Variants in PACRG observed in about 807,000 individuals in gnomAD.
PACRG encodes parkin coregulated, also known as parkin coregulated gene protein.
Under a neutral mutation model 29.7 loss-of-function variants are expected in PACRG, and 29 were observed. The observed-to-expected ratio is 0.98, with a 90% CI of 0.73 to 1.33. PACRG has a LOEUF of 1.33. Ranked by LOEUF, PACRG falls within the 40% of genes most tolerant of loss-of-function variation. PACRG has a pLI of 0.00. For missense variants in PACRG, 279 were observed against 316.2 expected (o/e 0.88, Z 0.89); for synonymous variants, 116 against 118.7 (o/e 0.98, Z 0.15).
rs1300654607 is a variant in PACRG, at chr6:163,055,330, G to GCA, written c.292-6811_292-6810dup. ...CACACATGCACACATATCCAGGTGT[G>GCA]CACACACACATGCACACACACACGC... On this transcript the variant is annotated intron_variant, in intron 2 of 4. Transcript: ENST00000366888. This position sits in a 1 kb window ranked among gnomAD's most constrained non-coding sequence, Gnocchi z 4.0. 9.3e-6 allele frequency among the ~76,000 whole-genome samples: 1 copy of GCA among 107,494 alleles called. No individual in the cohort carries two copies. The highest frequency in any genetic ancestry group is 3.7e-5 in the African/African-American group (1 of 26,900). 70.5% of individuals were successfully genotyped at this position (107,494 alleles called of 152,430 possible).
rs34737289 is a variant in PACRG, at chr6:163,144,347, TACAC to T, written c.613+54959_613+54962del. Among the ~76,000 whole-genome samples, 186 of 93,882 alleles carry T rather than the reference TACAC, an allele frequency of 2.0e-3. 1 individual carries two copies. Among genetic ancestry groups the T allele is most frequent in the African/African-American group, 3.3e-3 (118 of 35,684 alleles). The allele number at this position is 93,882 out of a possible 152,430, so 61.6% of individuals were successfully genotyped here. A position where few individuals can be genotyped will look rare whatever the true frequency, so the allele number is the denominator to read the frequency against. On this transcript the variant is annotated intron_variant, in intron 4 of 4. Transcript: ENST00000366888. The stretch of plus-strand genomic sequence containing the variant: ...AGCAACACACATACACACACATACA[TACAC>T]ACACACACACACACACACAGTTATA...
intron 2 of PACRG, among the ~76,000 whole-genome samples, chr6:163,036,405 C>A (rs1241391157): frequency 6.6e-6 from 1 of 152,174 alleles, no homozygotes; most frequent in East Asian, 1.9e-4. Context: ...ACACATAACC[C>A]TGGAATGAGG....
intron 2 of PACRG, among the ~76,000 whole-genome samples, chr6:162,947,348 T>C (rs1300921403): frequency 2.2e-4 from 1 of 4,638 alleles, no homozygotes; most frequent in African/African-American, 3.0e-4. Context: ...ATATAATGAT[T>C]ACATATATAT....
chr6:162,924,359 C>A (rs889523136), intron 2 of PACRG, among the ~76,000 whole-genome samples: 10 of 151,944 alleles, frequency 6.6e-5, no homozygotes, highest in African/African-American at 1.7e-4. Context: ...TTCCTCTTTT[C>A]CAATTTGAAT....
chr6:162,891,295 T>C (rs1467564468), intron 2 of PACRG, among the ~76,000 whole-genome samples: 2 of 152,296 alleles, frequency 1.3e-5, no homozygotes, highest in East Asian at 3.9e-4. Context: ...CCAAGTGATC[T>C]TGAGAAGGGG....
At chr6:163,195,655 C>T (rs1489519658) in intron 4 of PACRG, among the ~76,000 whole-genome samples, 2 of 152,188 alleles carry the variant, frequency 1.3e-5, no homozygotes, top group African/African-American at 2.4e-5. Context: ...GCCTCGGCGG[C>T]TGAGGAGGTG....
intron 2 of PACRG, among the ~76,000 whole-genome samples, chr6:162,956,439 C>CA (rs1237547722): frequency 6.6e-6 from 1 of 152,142 alleles, no homozygotes; most frequent in African/African-American, 2.4e-5. Flanking sequence ...TTGGTCAGGT[C>CA]AATGTTATGT....
At chr6:162,749,902 A>C (rs1209445758) in intron 1 of PACRG, among the ~76,000 whole-genome samples, 1 of 152,216 alleles carries the variant, frequency 6.6e-6, no homozygotes, top group African/African-American at 2.4e-5. Flanking sequence ...AACATTCACC[A>C]TTGATTTATA....
At chr6:163,164,548 A>G (rs1269463524) in intron 4 of PACRG, among the ~76,000 whole-genome samples, 1 of 152,256 alleles carries the variant, frequency 6.6e-6, no homozygotes, top group Admixed American at 6.5e-5. Context: ...AAGAAGCTGC[A>G]TAGGAGAGAG....
At chr6:162,934,260 C>CAAA (rs771565424) in intron 2 of PACRG, among the ~76,000 whole-genome samples, 5,206 of 146,646 alleles carry the variant, frequency 0.036, 137 homozygotes, top group Admixed American at 0.078. Flanking sequence ...GAGACTGTCT[C>CAAA]AAAAAAAAAA....
rs561461426 is a variant in PACRG, at chr6:162,788,763, G to A, written c.157-25384G>A. On this transcript the variant is annotated intron_variant, in intron 1 of 4. Transcript: ENST00000366888. ...TTGGCATTTCTTTATGGCATATAAT[G>A]CGGAGCATCTTTTTGTATGTTTACC... Among the ~76,000 whole-genome samples the A allele has an allele frequency of 7.7e-4, 117 of 152,274 alleles. 2 individuals carry two copies. Among genetic ancestry groups the A allele is most frequent in the Middle Eastern group, 3.4e-3 (1 of 294 alleles).
At chr6:163,249,727 G>A (rs979036086) in intron 4 of PACRG, among the ~76,000 whole-genome samples, 2 of 152,240 alleles carry the variant, frequency 1.3e-5, no homozygotes, top group African/African-American at 2.4e-5. Flanking sequence ...GAAGTTGACT[G>A]TGAAGTGTGA....
chr6:162,827,617 CATT>C (rs910258514), intron 2 of PACRG, among the ~76,000 whole-genome samples: 1 of 152,182 alleles, frequency 6.6e-6, no homozygotes, highest in Non-Finnish European at 1.5e-5. Context: ...TGTAAAGCAT[CATT>C]ATTTGGCTTC....
At chr6:162,804,696 C>A (rs1786168734) in intron 1 of PACRG, among the ~76,000 whole-genome samples, 3 of 152,108 alleles carry the variant, frequency 2.0e-5, no homozygotes, top group South Asian at 4.1e-4. Flanking sequence ...TCTGTTAGAC[C>A]TTGACTGAAA....
intron 2 of PACRG, among the ~76,000 whole-genome samples, chr6:162,835,834 A>G (rs955480211): frequency 6.6e-6 from 1 of 152,178 alleles, no homozygotes; most frequent in African/African-American, 2.4e-5. Flanking sequence ...CCAACTTTTC[A>G]ACTCTTTTAA....
intron 4 of PACRG, among the ~76,000 whole-genome samples, chr6:163,124,637 A>G (rs1378251154): frequency 6.6e-6 from 1 of 152,244 alleles, no homozygotes. Context: ...GCATTTCCCC[A>G]GGAATGGGAT....
chr6:162,949,011 C>CA lies in PACRG; in HGVS notation c.292-113131dup, dbSNP rs200490477. ...GCAATTTTACTACTCGGTGTTTATC[C>CA]AAAAAAAAGGAAATCAGTATATCAA... On this transcript the variant is annotated intron_variant, in intron 2 of 4. Coordinates refer to ENST00000366888, the MANE Select transcript of PACRG (RefSeq NM_001080379.2). Among the ~76,000 whole-genome samples the CA allele has an allele frequency of 5.7e-3, 870 of 151,432 alleles. 12 individuals carry two copies. The highest frequency in any genetic ancestry group is 0.02 in the African/African-American group (830 of 41,322).
At chr6:162,811,449 T>G (rs1208495304) in intron 1 of PACRG, among the ~76,000 whole-genome samples, 5 of 152,124 alleles carry the variant, frequency 3.3e-5, no homozygotes, top group Non-Finnish European at 2.9e-5. Context: ...GGAAGCAGAT[T>G]CTTTGAGTAG....
At chr6:162,993,134 A>G (rs1803615385) in intron 2 of PACRG, among the ~76,000 whole-genome samples, 1 of 150,418 alleles carries the variant, frequency 6.6e-6, no homozygotes, top group Non-Finnish European at 1.5e-5. Context: ...GTTCTTTTAC[A>G]TTTGCTGAGG....
Sources: allele counts gnomAD v4.1 joint callset (sites outside exome capture counted in the v4.1 genomes callset), GRCh38; gene constraint gnomAD v4.1.1; non-coding constraint Gnocchi (gnomAD v3.1); transcripts MANE v1.5; gene names NCBI Gene and HGNC (gene_info 2026-07-23, HGNC 2026-07-21).